The following MTUS2 variants were observed in gnomAD, a reference collection of about 807,000 sequenced individuals.
MTUS2 encodes the protein microtubule-associated tumor suppressor candidate 2.
A neutral mutation model predicts 114.1 loss-of-function variants in MTUS2; 40 were observed. That is an observed-to-expected ratio of 0.35 (90% CI 0.27 to 0.46). MTUS2 has a LOEUF of 0.46. MTUS2 is among the 20% of genes least tolerant of loss of function. The pLI, the probability that MTUS2 is intolerant of heterozygous loss-of-function variation, is 1.00. For missense variants in MTUS2, 1,679 were observed against 1,705.4 expected (o/e 0.98, Z 0.27); for synonymous variants, 688 against 672.0 (o/e 1.02, Z -0.37).
chr13:29,305,616 A>G (rs1899413390), intron 6 of MTUS2, among the ~76,000 whole-genome samples: 1 of 152,200 alleles, frequency 6.6e-6, no homozygotes, highest in Non-Finnish European at 1.5e-5. Flanking sequence ...ATAGACCAAT[A>G]ACAAGTTCTG....
chr13:29,012,696 A>G (rs1327323687), intron 2 of MTUS2, among the ~76,000 whole-genome samples: 4 of 151,790 alleles, frequency 2.6e-5, no homozygotes, highest in Non-Finnish European at 5.9e-5. Context: ...ACACGGTGCA[A>G]CCCCCATCTC....
intron 5 of MTUS2, among the ~76,000 whole-genome samples, chr13:29,237,021 G>A (rs1408389679): frequency 2.0e-5 from 3 of 152,144 alleles, no homozygotes; most frequent in Non-Finnish European, 2.9e-5. Flanking sequence ...TTAAATATTT[G>A]TTATTTTCTG....
intron 5 of MTUS2, among the ~76,000 whole-genome samples, chr13:29,262,293 G>A (rs904238714): frequency 3.3e-5 from 5 of 152,220 alleles, no homozygotes; most frequent in Non-Finnish European, 7.3e-5. Flanking sequence ...AGACTTGCCT[G>A]TGGTTGCAGA....
chr13:28,899,614 G>A (rs967546553), intron 2 of MTUS2, among the ~76,000 whole-genome samples: 4 of 152,020 alleles, frequency 2.6e-5, no homozygotes, highest in African/African-American at 9.7e-5. Context: ...GTTTCACCCT[G>A]TTAGCCAGGA....
At chr13:29,428,618 G>T (rs1044687766) in intron 8 of MTUS2, 2 of 28,344 alleles carry the variant, frequency 7.1e-5, no homozygotes, top group East Asian at 1.4e-3. Flanking sequence ...CCTCCCTCCC[G>T]CAGCAGCAAG....
intron 9 of MTUS2, among the ~76,000 whole-genome samples, chr13:29,444,154 C>T (rs893680800): frequency 9.9e-5 from 15 of 152,080 alleles, no homozygotes; most frequent in African/African-American, 3.6e-4. Flanking sequence ...CTGAGCACAG[C>T]GGCTCACACC....
At chr13:29,486,319 A>G (rs1238071223) in intron 10 of MTUS2, among the ~76,000 whole-genome samples, 2 of 152,242 alleles carry the variant, frequency 1.3e-5, no homozygotes, top group African/African-American at 2.4e-5. Context: ...CTCATTTACC[A>G]TAAGAGAGAG....
At chr13:29,071,443 T>TTTTTTTTTTTTTTTA (rs1888931508) in intron 4 of MTUS2, among the ~76,000 whole-genome samples, 1 of 62,754 alleles carries the variant, frequency 1.6e-5, no homozygotes, top group Non-Finnish European at 3.3e-5. Context: ...TTTTTTTTTT[T>TTTTTTTTTTTTTTTA]GAGACAGAGT....
chr13:28,831,964 A>T (rs1438671313), intron 1 of MTUS2, among the ~76,000 whole-genome samples: 1 of 151,278 alleles, frequency 6.6e-6, no homozygotes, highest in Non-Finnish European at 1.5e-5. Flanking sequence ...GGCTTTCACT[A>T]TGTTGGCCAG....
intron 5 of MTUS2, among the ~76,000 whole-genome samples, chr13:29,196,637 TC>T (rs1239313845): frequency 6.6e-6 from 1 of 152,092 alleles, no homozygotes; most frequent in Non-Finnish European, 1.5e-5. Flanking sequence ...CCTCCTCCAC[TC>T]CCTGGCAACC....
intron 2 of MTUS2, among the ~76,000 whole-genome samples, chr13:28,898,517 G>C (rs1879429445): frequency 1.3e-5 from 2 of 152,166 alleles, no homozygotes; most frequent in African/African-American, 2.4e-5. Flanking sequence ...CCATTGTAAA[G>C]CAAGAGTACA....
chr13:29,441,266 A>G (rs1053722786), intron 9 of MTUS2, among the ~76,000 whole-genome samples: 1 of 152,128 alleles, frequency 6.6e-6, no homozygotes, highest in Non-Finnish European at 1.5e-5. Flanking sequence ...TAGGAAAGGC[A>G]GGGTGTGAGG....
At chr13:28,947,645 C>A (rs1042416685) in intron 2 of MTUS2, among the ~76,000 whole-genome samples, 1 of 152,174 alleles carries the variant, frequency 6.6e-6, no homozygotes, top group African/African-American at 2.4e-5. Flanking sequence ...GACTTCACCC[C>A]ACTCAGTATG....
chr13:28,909,784 C>T (rs561719276), intron 2 of MTUS2, among the ~76,000 whole-genome samples: 4 of 152,288 alleles, frequency 2.6e-5, no homozygotes, highest in Admixed American at 6.5e-5. Flanking sequence ...GAAACCCCAT[C>T]GTCTCAGCCC....
chr13:29,112,901 G>A (rs1890936702), intron 5 of MTUS2, among the ~76,000 whole-genome samples: 1 of 152,130 alleles, frequency 6.6e-6, no homozygotes, highest in Non-Finnish European at 1.5e-5. Flanking sequence ...AACCATGATG[G>A]AATTGGACAT....
intron 1 of MTUS2, among the ~76,000 whole-genome samples, chr13:28,836,562 C>G (rs561186691): frequency 1.1e-4 from 16 of 152,254 alleles, no homozygotes; most frequent in African/African-American, 3.4e-4. Context: ...TATTGCAAGA[C>G]CCAAGGAAGG....
At chr13:28,947,884 T>C (rs1280058811) in intron 2 of MTUS2, among the ~76,000 whole-genome samples, 1 of 152,232 alleles carries the variant, frequency 6.6e-6, no homozygotes, top group Admixed American at 6.5e-5. Flanking sequence ...CCATTAAAAC[T>C]TTTTAATACA....
At chr13:29,355,235 T>A (rs1869641273) in intron 7 of MTUS2, among the ~76,000 whole-genome samples, 1 of 152,244 alleles carries the variant, frequency 6.6e-6, no homozygotes, top group African/African-American at 2.4e-5. Context: ...ACGCCTAGCC[T>A]TTGCACGCAA....
intron 5 of MTUS2, among the ~76,000 whole-genome samples, chr13:29,254,177 A>T (rs1897220479): frequency 6.6e-6 from 1 of 152,194 alleles, no homozygotes; most frequent in African/African-American, 2.4e-5. Flanking sequence ...GCTAATTGTG[A>T]ATAATTTTAA....
Sources: allele counts gnomAD v4.1 joint callset (sites outside exome capture counted in the v4.1 genomes callset), GRCh38; gene constraint gnomAD v4.1.1; transcripts MANE v1.5; gene names NCBI Gene and HGNC (gene_info 2026-07-23, HGNC 2026-07-21).